Variants in PLEKHG4 observed in about 807,000 individuals in gnomAD.
The protein encoded by PLEKHG4 is puratrophin-1.
Under a neutral mutation model 136.9 loss-of-function variants are expected in PLEKHG4, and 85 were observed. The ratio of observed to expected loss-of-function variants is 0.62; its 90% CI spans 0.52 to 0.74. PLEKHG4 has a LOEUF of 0.74. Among genes scored for constraint, PLEKHG4 ranks in the 30% least tolerant of loss-of-function variants. PLEKHG4 has a pLI of 0.00. For missense variants in PLEKHG4, 1,317 were observed against 1,527.8 expected (o/e 0.86, Z 2.30); for synonymous variants, 577 against 646.9 (o/e 0.89, Z 1.64).
At position 67,289,390 on chromosome 16, in the gene PLEKHG4, T is replaced by C; in HGVS notation, c.*582T>C. ...TGTCTAAAATTATCTTACTGGTTGT[T>C]AGGCCTTTGGTGTCTCAGAGAAGGA... is the stretch of plus-strand genomic sequence containing the variant. On this transcript the variant is annotated 3_prime_UTR_variant, in exon 22 of 22. Coordinates refer to ENST00000379344, the MANE Select transcript of PLEKHG4 (RefSeq NM_001129729.3). The C allele has an allele frequency of 1.9e-6, 1 of 514,946 alleles. No individual in the cohort carries two copies. The highest frequency in any genetic ancestry group is 3.4e-6 in the Non-Finnish European group (1 of 290,460). 31.9% of individuals were successfully genotyped at this position (514,946 alleles called of 1,614,324 possible). A position where few individuals can be genotyped will look rare whatever the true frequency, so the allele number is the denominator to read the frequency against.
chr16:67,286,334 A>T lies in PLEKHG4; in HGVS notation c.2503A>T (p.Met835Leu). 6.2e-7 allele frequency: 1 copy of T among 1,613,928 alleles called. No homozygotes were observed. Among genetic ancestry groups the T allele is most frequent in the Non-Finnish European group, 8.5e-7 (1 of 1,179,852 alleles). The change falls in exon 15 of 22, where the codon ATG becomes TTG. Residue 835 changes from methionine (M) to leucine (L), a missense_variant. Transcript: ENST00000379344. The stretch of plus-strand genomic sequence containing the variant: ...GAATAAGCCTCGCTCCGATGCCCTG[A>T]TGTCAAGCTATGGGCACACCTTCTT... ...SKNKPRSDAL[M>L]SSYGHTFFKD...
rs2036183115 is a variant in PLEKHG4 at position 67,280,869 on chromosome 16, T to C, written c.596-13T>C. 2 of 1,613,014 alleles carry C rather than the reference T, an allele frequency of 1.2e-6. No individual in the cohort carries two copies. Among genetic ancestry groups the C allele is most frequent in the African/African-American group, 2.7e-5 (2 of 74,932 alleles). On this transcript the variant is annotated splice_polypyrimidine_tract_variant and intron_variant, in intron 3 of 21. Transcript: ENST00000379344. The surrounding 1 kb of genome is among the most constrained non-coding windows in gnomAD (Gnocchi z 4.4). ...GCCCAATACGGCAGGAGTTCACTGC[T>C]TCCTCCCCACAGGGACTCGGGATGT...
chr16:67,281,237 T>C, intron 5 of PLEKHG4, 53 bp downstream of exon 5: 1 of 1,421,244 alleles, frequency 7.0e-7, no homozygotes, highest in Non-Finnish European at 9.9e-7. Context: ...TTTTTTTTTT[T>C]TTTGAGACGG....
intron 11 of PLEKHG4, 21 bp downstream of exon 11, chr16:67,282,879 A>T: frequency 6.5e-7 from 1 of 1,532,194 alleles, no homozygotes; most frequent in Non-Finnish European, 9.0e-7. Flanking sequence ...TCACTTGTTC[A>T]TGCCACGGGT....
intron 11 of PLEKHG4, among the ~76,000 whole-genome samples, chr16:67,283,789 G>C (rs950000255): frequency 2.0e-5 from 3 of 152,154 alleles, no homozygotes; most frequent in African/African-American, 7.2e-5. Context: ...CACTTGGTGG[G>C]TCCAGGTGTT....
In PLEKHG4 at chr16:67,284,661, AGCAGGCTTG is replaced by A. The variant is rs2036380695; in HGVS notation, c.1693-46_1693-38del. 4 of 1,604,166 alleles carry A rather than the reference AGCAGGCTTG, an allele frequency of 2.5e-6. No homozygotes were observed. In the African/African-American group the frequency reaches 5.4e-5, roughly 21 times the overall value. ...GAGTGGGTAGAGGAGCAGAGTGCCCAGCAGGCTTGGCAGGATCTTCCTCTAATGCTTGTC... is the reference window on the plus strand; with the variant it reads ...GAGTGGGTAGAGGAGCAGAGTGCCCAGCAGGATCTTCCTCTAATGCTTGTC... On this transcript the variant is annotated intron_variant, in intron 12 of 21. Transcript: ENST00000379344. The surrounding 1 kb of genome is among the most constrained non-coding windows in gnomAD (Gnocchi z 4.4).
In PLEKHG4 at chr16:67,286,859, C is replaced by T; in HGVS notation, c.2865C>T (p.Phe955=). ...RIFLFEELLL[F]SKPRHGPTGV... is the part of the protein sequence containing the mutation. Reference sequence around the variant, plus strand: ...TCCTTTTTGAGGAGCTGCTGCTCTTCAGCAAGCCTCGCCATGGGCCCACAG... The same window carrying T: ...TCCTTTTTGAGGAGCTGCTGCTCTTTAGCAAGCCTCGCCATGGGCCCACAG... Residue 955 remains phenylalanine (F), a synonymous_variant, in exon 17 of 22, where the codon TTC becomes TTT. Transcript: ENST00000379344. 4 of 1,614,172 alleles carry T rather than the reference C, an allele frequency of 2.5e-6. No homozygotes were observed. Among genetic ancestry groups the T allele is most frequent in the Non-Finnish European group, 3.4e-6 (4 of 1,180,010 alleles).
Position 67,280,103 on chromosome 16 carries a change from A to G in PLEKHG4, c.59A>G (p.Asp20Gly), listed in dbSNP as rs758802628. The G allele has an allele frequency of 8.7e-6, 14 of 1,613,844 alleles. No homozygotes were observed. The highest frequency in any genetic ancestry group is 1.2e-5 in the Non-Finnish European group (14 of 1,179,934). The change falls in exon 2 of 22, where the codon GAC becomes GGC. Residue 20 changes from aspartate (D) to glycine (G), a missense_variant. Coordinates refer to ENST00000379344, the MANE Select transcript of PLEKHG4 (RefSeq NM_001129729.3). This position sits in a 1 kb window ranked among gnomAD's most constrained non-coding sequence, Gnocchi z 4.4. ...CCAGACTCTCAGGGCCATGCCACCGACTGGAGATTTGCTGTGTGCAGTTTC... is the reference window on the plus strand; with the variant it reads ...CCAGACTCTCAGGGCCATGCCACCGGCTGGAGATTTGCTGTGTGCAGTTTC... ...ESPDSQGHAT[D>G]WRFAVCSFRD...
At chr16:67,281,219 TCTTTTC>T (rs768015757) in intron 5 of PLEKHG4, 35 bp downstream of exon 5, 3 of 1,390,334 alleles carry the variant, frequency 2.2e-6, no homozygotes, top group Admixed American at 1.7e-5. Context: ...TCATTCCTTT[TCTTTTC>T]TTTTTTTTTT....
At chr16:67,282,160 C>T in intron 8 of PLEKHG4, 41 bp from the exon 9 acceptor site, 1 of 1,613,548 alleles carries the variant, frequency 6.2e-7, no homozygotes. Context: ...CCCTCCTTCT[C>T]TCCCATGGCC....
In PLEKHG4 at chr16:67,284,304, G is replaced by A; in HGVS notation, c.1539G>A (p.Leu513=). 12 of 1,613,916 alleles carry A rather than the reference G, an allele frequency of 7.4e-6. No individual in the cohort carries two copies. Among genetic ancestry groups the A allele is most frequent in the Non-Finnish European group, 1.0e-5 (12 of 1,179,934 alleles). The change falls in exon 12 of 22, where the codon CTG becomes CTA. Residue 513 remains leucine (L), a synonymous_variant. Coordinates refer to ENST00000379344, the MANE Select transcript of PLEKHG4 (RefSeq NM_001129729.3). The surrounding 1 kb of genome is among the most constrained non-coding windows in gnomAD (Gnocchi z 4.4). ...QEQVRQGEKF[L]QPLTGWEAAE... ...AGGTCAGGCAAGGGGAGAAGTTTCT[G>A]CAGCCGCTGACTGGCTGGGAGGCGG...
chr16:67,281,959 C>G lies in PLEKHG4; in HGVS notation c.1006-50C>G, dbSNP rs2036247756. The G allele has an allele frequency of 3.2e-6, 5 of 1,568,626 alleles. No individual in the cohort carries two copies. In the South Asian group the frequency reaches 5.5e-5, roughly 17 times the overall value. On this transcript the variant is annotated intron_variant, in intron 7 of 21. Coordinates refer to ENST00000379344, the MANE Select transcript of PLEKHG4 (RefSeq NM_001129729.3). ...TGCAGTGGCCTGGAACCCAGGAAGC[C>G]CAGGACCAACACTGCATGCTGCTCC... is the stretch of plus-strand genomic sequence containing the variant.
Position 67,284,054 on chromosome 16 carries a change from G to T in PLEKHG4, c.1510-221G>T, listed in dbSNP as rs2036344855. On this transcript the variant is annotated intron_variant, in intron 11 of 21. Transcript: ENST00000379344. The surrounding 1 kb of genome is among the most constrained non-coding windows in gnomAD (Gnocchi z 4.4). ...GGCAGAGTGGAGCTGGAGAGGGCTG[G>T]TGCGGAGGGCGAGACGAGACGGTGA... Among the ~76,000 whole-genome samples, 1 of 152,138 alleles carries T rather than the reference G, an allele frequency of 6.6e-6. No individual in the cohort carries two copies. Among genetic ancestry groups the T allele is most frequent in the Non-Finnish European group, 1.5e-5 (1 of 68,028 alleles).
chr16:67,280,872 C>T lies in PLEKHG4; in HGVS notation c.596-10C>T, dbSNP rs1039952135. ...CAATACGGCAGGAGTTCACTGCTTC[C>T]TCCCCACAGGGACTCGGGATGTCCA... is the stretch of plus-strand genomic sequence containing the variant. On this transcript the variant is annotated splice_polypyrimidine_tract_variant and intron_variant, in intron 3 of 21. Transcript: ENST00000379344. The surrounding 1 kb of genome is among the most constrained non-coding windows in gnomAD (Gnocchi z 4.4). 2.4e-5 allele frequency: 38 copies of T among 1,613,024 alleles called. No individual in the cohort carries two copies. Among genetic ancestry groups the T allele is most frequent in the Non-Finnish European group, 3.1e-5 (36 of 1,180,044 alleles).
At position 67,282,608 on chromosome 16, in the gene PLEKHG4, AAC is replaced by A; in HGVS notation, c.1362_1363del (p.Leu455GlyfsTer11). On this transcript the variant is annotated frameshift_variant, in exon 10 of 22. Coordinates refer to ENST00000379344, the MANE Select transcript of PLEKHG4 (RefSeq NM_001129729.3). LOFTEE classifies it high-confidence loss of function. ...GAATACAGGCCCTAGAGTTGGTCCA[AAC>A]ACTGGAGGCCCGGGAAAGCGGACTG... ...QRIQALELVQTLEARESGLHQ... is the reference protein window; with the variant it reads ...QRIQALELVQXLEARESGLHQ... 1 of 1,614,020 alleles carries A rather than the reference AAC, an allele frequency of 6.2e-7. No individual in the cohort carries two copies. Among genetic ancestry groups the A allele is most frequent in the Non-Finnish European group, 8.5e-7 (1 of 1,180,046 alleles).
Position 67,289,059 on chromosome 16 carries a change from A to G in PLEKHG4, c.*251A>G. The G allele has an allele frequency of 3.3e-6, 2 of 610,504 alleles. No individual in the cohort carries two copies. The highest frequency in any genetic ancestry group is 3.7e-5 in the South Asian group (2 of 53,958). The allele number at this position is 610,504 out of a possible 1,614,324, so 37.8% of individuals were successfully genotyped here. ...ACCCCTTCTCCTGTCCCCAGCTCCC[A>G]TCCCAGTTGTGGGTTAAGAATAGGC... On this transcript the variant is annotated 3_prime_UTR_variant, in exon 22 of 22. Transcript: ENST00000379344.
In PLEKHG4 at chr16:67,286,796, GGTGCGCACTGGGCGCCACAAGTCC is replaced by G; in HGVS notation, c.2809_2832del (p.Thr937_Arg944del). 20 of 1,614,078 alleles carry G rather than the reference GGTGCGCACTGGGCGCCACAAGTCC, an allele frequency of 1.2e-5. No individual in the cohort carries two copies. The highest frequency in any genetic ancestry group is 1.7e-5 in the Non-Finnish European group (20 of 1,179,938). On this transcript the variant is annotated inframe_deletion, in exon 17 of 22. Coordinates refer to ENST00000379344, the MANE Select transcript of PLEKHG4 (RefSeq NM_001129729.3). ...AGCTGGTGCGACAGGATGAGTTTGT[GGTGCGCACTGGGCGCCACAAGTCC>G]GTGCGCCGCATCTTCCTTTTTGAGG...
chr16:67,278,776 G>A (rs535815442), upstream of PLEKHG4: 3 of 152,190 alleles, frequency 2.0e-5, no homozygotes, highest in South Asian at 6.2e-4. Flanking sequence ...AGAGTTCCTG[G>A]AGCGCCCCCA....
In PLEKHG4 at chr16:67,286,759, A is replaced by G. The variant is rs2036489721; in HGVS notation, c.2765A>G (p.Lys922Arg). The change falls in exon 17 of 22, where the codon AAG becomes AGG. Residue 922 changes from lysine to arginine, a missense_variant. Coordinates refer to ENST00000379344, the MANE Select transcript of PLEKHG4 (RefSeq NM_001129729.3). The part of the protein sequence containing the change: ...DAIQGCDVNL[K>R]EQGQLVRQDE... ...CCCCCAACTCTGCAGGTTAACCTCAAGGAACAGGGGCAGCTGGTGCGACAG... is the reference window on the plus strand; with the variant it reads ...CCCCCAACTCTGCAGGTTAACCTCAGGGAACAGGGGCAGCTGGTGCGACAG... 2 of 1,614,050 alleles carry G rather than the reference A, an allele frequency of 1.2e-6. No homozygotes were observed. Among genetic ancestry groups the G allele is most frequent in the African/African-American group, 2.7e-5 (2 of 75,074 alleles).
Sources: gnomAD v4.1 joint callset for allele counts (sites outside exome capture counted in the v4.1 genomes callset) on GRCh38, gnomAD v4.1.1 for gene constraint, Gnocchi (gnomAD v3.1) non-coding constraint, MANE v1.5 for transcripts, NCBI Gene and HGNC (gene_info 2026-07-23, HGNC 2026-07-21) for gene names.